Variants in PARD3 observed in about 807,000 individuals in gnomAD.
PARD3 encodes par-3 family cell polarity regulator, also known as partitioning defective 3 homolog.
PARD3 carries 75 observed loss-of-function variants against 155.4 expected under a neutral mutation model. The observed-to-expected ratio is 0.48, with a 90% confidence interval of 0.40 to 0.58. PARD3 has a LOEUF of 0.58. Ranked by LOEUF, PARD3 falls within the 20% of genes least tolerant of loss-of-function variation. The probability of loss-of-function intolerance (pLI) is 0.00; values close to 1 mark genes in which losing one functional copy is unlikely to be tolerated. For synonymous variants in PARD3, 576 were observed against 610.5 expected, an observed-to-expected ratio of 0.94 and a Z score of 0.83; for missense variants, 1,642 against 1,721.7, an observed-to-expected ratio of 0.95 and a Z score of 0.82.
chr10:34,599,395 A>G (rs1394338241), intron 2 of PARD3, among the ~76,000 whole-genome samples: 6 of 152,164 alleles, frequency 3.9e-5, no homozygotes, highest in Non-Finnish European at 8.8e-5. Flanking sequence ...AAATCAATAA[A>G]ATGTATATGA....
intron 5 of PARD3, among the ~76,000 whole-genome samples, chr10:34,430,715 G>A (rs1284468577): frequency 2.0e-5 from 3 of 152,192 alleles, no homozygotes; most frequent in Admixed American, 1.3e-4. Flanking sequence ...ACCATAAGCT[G>A]TCCGCTATGG....
At chr10:34,467,358 T>TGTGC (rs1392162654) in intron 4 of PARD3, among the ~76,000 whole-genome samples, 2 of 151,274 alleles carry the variant, frequency 1.3e-5, no homozygotes, top group Non-Finnish European at 2.9e-5. Context: ...TGTGTGTGTG[T>TGTGC]GTGTAAATAC....
intron 9 of PARD3, among the ~76,000 whole-genome samples, chr10:34,380,889 G>GTTCT (rs1841753607): frequency 6.6e-6 from 1 of 152,110 alleles, no homozygotes; most frequent in African/African-American, 2.4e-5. Context: ...TCTATTTGTA[G>GTTCT]TTCTTGATAT....
chr10:34,787,559 G>C (rs1841128911), intron 1 of PARD3, among the ~76,000 whole-genome samples: 1 of 152,114 alleles, frequency 6.6e-6, no homozygotes, highest in Admixed American at 6.5e-5. Flanking sequence ...CAGAGCATTT[G>C]AGCAGCAGCA....
intron 14 of PARD3, among the ~76,000 whole-genome samples, chr10:34,357,734 G>C (rs888418117): frequency 1.1e-4 from 17 of 152,278 alleles, no homozygotes; most frequent in African/African-American, 3.9e-4. Context: ...AGATTTTTTA[G>C]TTAAGGTTAT....
intron 1 of PARD3, among the ~76,000 whole-genome samples, chr10:34,794,075 C>T (rs1251278761): frequency 1.3e-5 from 2 of 151,848 alleles, no homozygotes; most frequent in South Asian, 2.1e-4. Flanking sequence ...TTCAATCTCC[C>T]GTAAGTACAA....
At chr10:34,607,357 A>ACCT (rs1308161350) in intron 2 of PARD3, among the ~76,000 whole-genome samples, 2 of 152,204 alleles carry the variant, frequency 1.3e-5, no homozygotes, top group African/African-American at 4.8e-5. Flanking sequence ...GAAGATGACA[A>ACCT]CCTCCTCAAG....
intron 2 of PARD3, among the ~76,000 whole-genome samples, chr10:34,602,853 T>A (rs547935843): frequency 6.6e-6 from 1 of 152,148 alleles, no homozygotes; most frequent in Non-Finnish European, 1.5e-5. Flanking sequence ...CCTCTTGAAT[T>A]TTTTTTAAAG....
At chr10:34,228,312 C>T (rs1294621555) in intron 22 of PARD3, among the ~76,000 whole-genome samples, 2 of 151,954 alleles carry the variant, frequency 1.3e-5, no homozygotes, top group Non-Finnish European at 2.9e-5. Context: ...GCTCACTACC[C>T]GGATGCCAAA....
intron 2 of PARD3, among the ~76,000 whole-genome samples, chr10:34,671,476 G>A (rs1564487684): frequency 6.6e-6 from 1 of 151,982 alleles, no homozygotes; most frequent in African/African-American, 2.4e-5. Flanking sequence ...AAAATTCTTT[G>A]GCATTTCATA....
intron 2 of PARD3, among the ~76,000 whole-genome samples, chr10:34,651,642 T>A (rs2093017360): frequency 6.6e-6 from 1 of 152,196 alleles, no homozygotes; most frequent in Admixed American, 6.5e-5. Context: ...GTTGTTTTTT[T>A]GTAAGCGACG....
At chr10:34,427,168 G>A (rs1047584886) in intron 5 of PARD3, among the ~76,000 whole-genome samples, 4 of 152,164 alleles carry the variant, frequency 2.6e-5, no homozygotes, top group Non-Finnish European at 5.9e-5. Context: ...GGATAACAGC[G>A]ATTTTCAGGG....
At chr10:34,426,414 A>T (rs2075608032) in intron 5 of PARD3, among the ~76,000 whole-genome samples, 1 of 152,192 alleles carries the variant, frequency 6.6e-6, no homozygotes, top group Non-Finnish European at 1.5e-5. Flanking sequence ...TTGGTGGCTT[A>T]CTTCACGCTA....
chr10:34,770,374 C>T (rs933976974), intron 1 of PARD3, among the ~76,000 whole-genome samples: 2 of 152,134 alleles, frequency 1.3e-5, no homozygotes, highest in Non-Finnish European at 2.9e-5. Context: ...GAGATGACAC[C>T]TCGAGCCCTC....
intron 1 of PARD3, among the ~76,000 whole-genome samples, chr10:34,710,069 T>C (rs567110928): frequency 6.6e-6 from 1 of 152,048 alleles, no homozygotes; most frequent in South Asian, 2.1e-4. Flanking sequence ...TACCCATTGA[T>C]CCAGAAATTT....
intron 4 of PARD3, among the ~76,000 whole-genome samples, chr10:34,464,281 T>A (rs2077868863): frequency 6.6e-6 from 1 of 152,130 alleles, no homozygotes; most frequent in African/African-American, 2.4e-5. Flanking sequence ...GTAGAACCTT[T>A]AAGCTATCTA....
chr10:34,676,676 T>A (rs2093713675), intron 2 of PARD3, among the ~76,000 whole-genome samples: 1 of 152,138 alleles, frequency 6.6e-6, no homozygotes, highest in Non-Finnish European at 1.5e-5. Context: ...TTAGACAAAT[T>A]AGGTTTTGGC....
At position 34,111,510 on chromosome 10, in the gene PARD3, A is replaced by T; in HGVS notation, c.3721T>A (p.Tyr1241Asn). 6.2e-7 allele frequency: 1 copy of T among 1,613,358 alleles called. No homozygotes were observed. The highest frequency in any genetic ancestry group is 8.5e-7 in the Non-Finnish European group (1 of 1,179,520). The stretch of plus-strand genomic sequence containing the variant: ...CTCTGGAAGCCTTCCCCAGGGGAGT[A>T]GTTCTGCTCCCAAGAGTCCTGGGAG... ...SVSQDSWEQN[Y>N]SPGEGFQSAK... Residue 1241 changes from tyrosine to asparagine, a missense_variant, in exon 25 of 25, where the codon TAC becomes AAC. Tyr to Asn is a moderately radical substitution (Grantham distance 143). Transcript: ENST00000374788.
chr10:34,221,388 CTT>C (rs3039277), intron 22 of PARD3, among the ~76,000 whole-genome samples: 253 of 119,736 alleles, frequency 2.1e-3, no homozygotes, highest in Middle Eastern at 4.8e-3. Context: ...CAGGACTTGC[CTT>C]TTTTTTTTTT....
Sources: gnomAD v4.1 joint callset for allele counts (sites outside exome capture counted in the v4.1 genomes callset) on GRCh38, gnomAD v4.1.1 for gene constraint, MANE v1.5 for transcripts, NCBI Gene and HGNC (gene_info 2026-07-23, HGNC 2026-07-21) for gene names.